The following ADGRV1 variants were observed in gnomAD, a reference collection of about 807,000 sequenced individuals.
The protein encoded by ADGRV1 is adhesion G protein-coupled receptor V1.
Under a neutral mutation model 596.2 loss-of-function variants are expected in ADGRV1, and 359 were observed. That is an observed-to-expected ratio of 0.60 (90% CI 0.55 to 0.66). The LOEUF (loss-of-function observed/expected upper bound fraction) is 0.66. Ranked by LOEUF, ADGRV1 falls within the 30% of genes least tolerant of loss-of-function variation. ADGRV1 has a pLI of 0.00. For missense variants in ADGRV1, 7,274 were observed against 7,575.6 expected (o/e 0.96, Z 1.48); for synonymous variants, 2,681 against 2,679.2 (o/e 1.00, Z -0.02).
At chr5:90,564,650 G>T (rs1186286734) in intron 1 of ADGRV1, among the ~76,000 whole-genome samples, 1 of 23,840 alleles carries the variant, frequency 4.2e-5, no homozygotes. Context: ...TTTTTGAGAC[G>T]GAGTCTCGCT....
At chr5:90,719,950 A>G in intron 43 of ADGRV1, 98 bp from the exon 44 acceptor site, 2 of 874,096 alleles carry the variant, frequency 2.3e-6, no homozygotes, top group East Asian at 2.4e-5. Flanking sequence ...TTTTCAAAAC[A>G]TGCTATTTTG....
chr5:90,997,818 A>C (rs377374493), intron 85 of ADGRV1, among the ~76,000 whole-genome samples: 1 of 152,130 alleles, frequency 6.6e-6, no homozygotes, highest in African/African-American at 2.4e-5. Context: ...CCATCTGTGC[A>C]ATGGGCATCA....
At chr5:91,000,502 A>T (rs1004179988) in intron 85 of ADGRV1, among the ~76,000 whole-genome samples, 3 of 152,144 alleles carry the variant, frequency 2.0e-5, no homozygotes, top group African/African-American at 7.2e-5. Flanking sequence ...CAATCGTAAC[A>T]TTTTTTGAAG....
intron 31 of ADGRV1, among the ~76,000 whole-genome samples, chr5:90,691,384 CTTTTTT>C (rs34426784): frequency 8.1e-6 from 1 of 123,450 alleles, no homozygotes; most frequent in Admixed American, 8.7e-5. Flanking sequence ...AAACTTTTTT[CTTTTTT>C]TTTTTTTTTT....
intron 43 of ADGRV1, 189 bp downstream of exon 43, chr5:90,716,918 G>A: frequency 2.1e-5 from 9 of 431,874 alleles, no homozygotes; most frequent in East Asian, 6.8e-5. Context: ...AAGCGCAACT[G>A]GAAAAATTTA....
At chr5:90,894,650 A>G (rs1346891660) in intron 83 of ADGRV1, among the ~76,000 whole-genome samples, 1 of 152,214 alleles carries the variant, frequency 6.6e-6, no homozygotes, top group African/African-American at 2.4e-5. Flanking sequence ...CCCAGACTCC[A>G]GTGAGTTCCC....
chr5:91,089,999 TG>T (rs779619165), intron 86 of ADGRV1, among the ~76,000 whole-genome samples: 11 of 152,182 alleles, frequency 7.2e-5, no homozygotes, highest in Non-Finnish European at 1.6e-4. Flanking sequence ...AGTCATTAGT[TG>T]GCTGACTTCA....
chr5:90,836,908 A>G (rs1765016421), intron 77 of ADGRV1, among the ~76,000 whole-genome samples: 1 of 152,256 alleles, frequency 6.6e-6, no homozygotes, highest in South Asian at 2.1e-4. Context: ...TATTACTAGA[A>G]GACAGAGACA....
At chr5:90,693,023 C>A (rs1746685641) in intron 32 of ADGRV1, among the ~76,000 whole-genome samples, 1 of 152,086 alleles carries the variant, frequency 6.6e-6, no homozygotes, top group Non-Finnish European at 1.5e-5. Context: ...AGCTCTCTAA[C>A]CCCAGAAATG....
At chr5:90,565,406 C>G (rs1240920113) in intron 1 of ADGRV1, among the ~76,000 whole-genome samples, 1 of 152,186 alleles carries the variant, frequency 6.6e-6, no homozygotes. Flanking sequence ...TGTGCCTATT[C>G]TGGGCATTTT....
At chr5:90,665,448 T>G (rs1561485323) in intron 21 of ADGRV1, among the ~76,000 whole-genome samples, 1 of 152,186 alleles carries the variant, frequency 6.6e-6, no homozygotes, top group African/African-American at 2.4e-5. Flanking sequence ...TTCTGTGGGA[T>G]CAGTGGTGAT....
intron 10 of ADGRV1, 54 bp downstream of exon 10, chr5:90,635,344 G>T: frequency 7.3e-7 from 1 of 1,368,516 alleles, no homozygotes; most frequent in Non-Finnish European, 9.7e-7. Context: ...GTAATGTACA[G>T]ACACTATTTT....
At chr5:91,046,624 A>G (rs921992599) in intron 85 of ADGRV1, among the ~76,000 whole-genome samples, 1 of 152,240 alleles carries the variant, frequency 6.6e-6, no homozygotes, top group African/African-American at 2.4e-5. Context: ...TTTCATGACC[A>G]AGAACCAAAA....
chr5:90,744,540 A>G (rs1754388006), intron 50 of ADGRV1, among the ~76,000 whole-genome samples: 1 of 152,174 alleles, frequency 6.6e-6, no homozygotes, highest in Admixed American at 6.5e-5. Flanking sequence ...ATGCACTGAA[A>G]TCATAGACTT....
At chr5:90,656,074 T>C (rs1172065408) in intron 20 of ADGRV1, among the ~76,000 whole-genome samples, 6 of 152,208 alleles carry the variant, frequency 3.9e-5, no homozygotes, top group Admixed American at 2.0e-4. Context: ...CTGTAACATA[T>C]TGGCATTTTT....
intron 73 of ADGRV1, among the ~76,000 whole-genome samples, chr5:90,808,740 C>T (rs1762140114): frequency 6.6e-6 from 1 of 152,050 alleles, no homozygotes; most frequent in Non-Finnish European, 1.5e-5. Context: ...ACTTAGAATA[C>T]AAAACATCAG....
chr5:90,945,734 C>G (rs1199143992), intron 83 of ADGRV1, among the ~76,000 whole-genome samples: 1 of 152,012 alleles, frequency 6.6e-6, no homozygotes, highest in Non-Finnish European at 1.5e-5. Flanking sequence ...TCCTGTAATC[C>G]CAGCACCCTG....
intron 53 of ADGRV1, among the ~76,000 whole-genome samples, chr5:90,752,613 C>T (rs1352163399): frequency 6.6e-6 from 1 of 152,132 alleles, no homozygotes; most frequent in Admixed American, 6.5e-5. Flanking sequence ...CATCCATGTC[C>T]CTGCAAAAGA....
At chr5:90,760,340 G>A (rs959734066) in intron 58 of ADGRV1, among the ~76,000 whole-genome samples, 1 of 151,914 alleles carries the variant, frequency 6.6e-6, no homozygotes, top group Non-Finnish European at 1.5e-5. Flanking sequence ...TCTTCTCAAG[G>A]ATCTTTTGAG....
Sources: allele counts gnomAD v4.1 joint callset (sites outside exome capture counted in the v4.1 genomes callset), GRCh38; gene constraint gnomAD v4.1.1; transcripts MANE v1.5; gene names NCBI Gene and HGNC (gene_info 2026-07-23, HGNC 2026-07-21).